The following ACTR3C variants were observed in gnomAD, a reference collection of about 807,000 sequenced individuals.
ACTR3C encodes the protein actin-related protein 3C.
Under a neutral mutation model 26.3 loss-of-function variants are expected in ACTR3C, and 18 were observed. The ratio of observed to expected loss-of-function variants is 0.68; its 90% CI spans 0.47 to 1.01. ACTR3C has a LOEUF of 1.01. ACTR3C is among the 50% of genes least tolerant of loss of function. The pLI, the probability that ACTR3C is intolerant of heterozygous loss-of-function variation, is 0.00. For synonymous variants in ACTR3C, 55 were observed against 94.5 expected, an observed-to-expected ratio of 0.58 and a Z score of 2.42; for missense variants, 184 against 250.7, an observed-to-expected ratio of 0.73 and a Z score of 1.80.
the ACTR3C span, among the ~76,000 whole-genome samples, chr7:149,953,755 T>C: frequency 6.6e-6 from 1 of 150,790 alleles, no homozygotes. Context: ...AGCCCTTGAA[T>C]AACCTGTAAT....
the ACTR3C span, among the ~76,000 whole-genome samples, chr7:149,959,026 C>A: frequency 6.6e-6 from 1 of 152,198 alleles, no homozygotes; most frequent in Non-Finnish European, 1.5e-5. Context: ...GATTTTGCAT[C>A]CCTGCATACC....
the ACTR3C span, among the ~76,000 whole-genome samples, chr7:150,047,348 C>G: frequency 6.6e-6 from 1 of 152,234 alleles, no homozygotes; most frequent in Non-Finnish European, 1.5e-5. Context: ...AATTCCAGAT[C>G]CCAGCAGGCG....
intron 1 of ACTR3C, among the ~76,000 whole-genome samples, chr7:150,298,973 ACTTT>A (rs1436970429): frequency 2.9e-5 from 4 of 139,350 alleles, no homozygotes; most frequent in African/African-American, 1.1e-4. Flanking sequence ...TGTAATGAAA[ACTTT>A]TTTTTTTTTT....
chr7:149,965,148 A>C, the ACTR3C span, among the ~76,000 whole-genome samples: 1 of 150,056 alleles, frequency 6.7e-6, no homozygotes, highest in East Asian at 2.0e-4. Flanking sequence ...GAAATTGTTT[A>C]TTCTTTTCTC....
the ACTR3C span, among the ~76,000 whole-genome samples, chr7:149,921,082 A>G: frequency 1.3e-5 from 2 of 152,232 alleles, no homozygotes. Flanking sequence ...TAAATTAACC[A>G]GGATACGCTT....
intron 1 of ACTR3C, among the ~76,000 whole-genome samples, chr7:150,310,116 A>C (rs1796174942): frequency 6.6e-6 from 1 of 152,160 alleles, no homozygotes; most frequent in Non-Finnish European, 1.5e-5. Flanking sequence ...TATTAGGCTG[A>C]GACATTTTAA....
the ACTR3C span, among the ~76,000 whole-genome samples, chr7:150,154,214 A>G: frequency 2.6e-5 from 4 of 152,176 alleles, no homozygotes; most frequent in Admixed American, 2.0e-4. Context: ...CCTAAAACTT[A>G]AAGTATAATA....
At chr7:150,166,561 C>T in the ACTR3C span, among the ~76,000 whole-genome samples, 6 of 150,464 alleles carry the variant, frequency 4.0e-5, no homozygotes, top group Admixed American at 6.6e-5. Flanking sequence ...TAGCCTGGCA[C>T]GGTGGTGCAT....
the ACTR3C span, among the ~76,000 whole-genome samples, chr7:150,059,912 G>A: frequency 0.066 from 9,797 of 147,736 alleles, 944 homozygotes; most frequent in African/African-American, 0.21. Flanking sequence ...AATCAGAATA[G>A]GAATCACAGT....
the ACTR3C span, among the ~76,000 whole-genome samples, chr7:150,216,984 C>CAAA: frequency 0.01 from 1,068 of 105,246 alleles, 21 homozygotes; most frequent in South Asian, 0.032. Context: ...GACTCGGTCT[C>CAAA]AAAAAAAAAA....
At chr7:150,142,919 C>T in the ACTR3C span, among the ~76,000 whole-genome samples, 1 of 152,068 alleles carries the variant, frequency 6.6e-6, no homozygotes, top group Non-Finnish European at 1.5e-5. Flanking sequence ...ACAGCAACCT[C>T]CACCTCCCGG....
At chr7:149,959,032 A>G in the ACTR3C span, among the ~76,000 whole-genome samples, 7 of 152,360 alleles carry the variant, frequency 4.6e-5, no homozygotes, top group Admixed American at 3.9e-4. Context: ...GCATCCCTGC[A>G]TACCACAGTC....
chr7:150,248,726 T>C, intron 7 of ACTR3C: 1 of 331,950 alleles, frequency 3.0e-6, no homozygotes, highest in East Asian at 4.8e-5. Context: ...AAAAAACCAC[T>C]TATCATAGCA....
At chr7:150,239,517 T>TCC (rs1832054746), downstream of ACTR3C, among the ~76,000 whole-genome samples, 1 of 115,318 alleles carries the variant, frequency 8.7e-6, no homozygotes, top group Non-Finnish European at 1.7e-5. Flanking sequence ...GCTCTCTCTC[T>TCC]CTCTCTCTCT....
chr7:150,035,213 C>T, the ACTR3C span, among the ~76,000 whole-genome samples: 3 of 122,172 alleles, frequency 2.5e-5, no homozygotes, highest in African/African-American at 1.0e-4. Context: ...GGGGGTGCCT[C>T]CCACCTCTGC....
the ACTR3C span, among the ~76,000 whole-genome samples, chr7:150,037,573 C>A: frequency 1.8e-5 from 1 of 55,564 alleles, no homozygotes; most frequent in African/African-American, 7.1e-5. Flanking sequence ...TCCTAAGAAC[C>A]CGGGGGGGAA....
chr7:150,099,771 G>A, the ACTR3C span, among the ~76,000 whole-genome samples: 9 of 151,440 alleles, frequency 5.9e-5, no homozygotes, highest in Non-Finnish European at 1.2e-4. Context: ...GGGCCCGGGC[G>A]GCAGATACCC....
the ACTR3C span, among the ~76,000 whole-genome samples, chr7:149,969,187 G>C: frequency 6.6e-6 from 1 of 152,014 alleles, no homozygotes; most frequent in Non-Finnish European, 1.5e-5. Flanking sequence ...CTTCGTTCTT[G>C]GACAGAAACA....
intron 6 of ACTR3C, among the ~76,000 whole-genome samples, chr7:150,278,322 T>G (rs1835053348): frequency 6.6e-6 from 1 of 152,162 alleles, no homozygotes; most frequent in Non-Finnish European, 1.5e-5. Context: ...CTCACAAAAG[T>G]TAAAGTTTAA....
Sources: allele counts gnomAD v4.1 joint callset (sites outside exome capture counted in the v4.1 genomes callset), GRCh38; gene constraint gnomAD v4.1.1; transcripts MANE v1.5; gene names NCBI Gene and HGNC (gene_info 2026-07-23, HGNC 2026-07-21).